CRPPA: variants seen among roughly 807,000 people sequenced by gnomAD.
CRPPA encodes D-ribitol-5-phosphate cytidylyltransferase.
In CRPPA, 43 loss-of-function variants were observed where a neutral mutation model predicts 52.0. The observed-to-expected ratio is 0.83, with a 90% CI of 0.65 to 1.07. The LOEUF (loss-of-function observed/expected upper bound fraction) is 1.07. Ranked by LOEUF, CRPPA falls within the 50% of genes least tolerant of loss-of-function variation. CRPPA has a pLI of 0.00. For missense variants in CRPPA, 629 were observed against 551.7 expected, an observed-to-expected ratio of 1.14 and a Z score of -1.40; for synonymous variants, 250 against 203.5, an observed-to-expected ratio of 1.23 and a Z score of -1.94.
At chr7:16,112,638 C>CA (rs1365494601) in intron 9 of CRPPA, among the ~76,000 whole-genome samples, 1 of 151,746 alleles carries the variant, frequency 6.6e-6, no homozygotes, top group Non-Finnish European at 1.5e-5. Flanking sequence ...GTCAGAGAAA[C>CA]AAAAAAAGAG....
At chr7:16,240,216 CA>C (rs1783067216) in intron 8 of CRPPA, among the ~76,000 whole-genome samples, 1 of 150,106 alleles carries the variant, frequency 6.7e-6, no homozygotes, top group Non-Finnish European at 1.5e-5. Flanking sequence ...TTCATGACTG[CA>C]ACTAGATAAA....
chr7:16,383,278 G>A (rs531423066), intron 2 of CRPPA, among the ~76,000 whole-genome samples: 10 of 152,332 alleles, frequency 6.6e-5, no homozygotes, highest in Non-Finnish European at 1.2e-4. Flanking sequence ...GTTTGCCTGG[G>A]TATCAGCAGC....
intron 8 of CRPPA, among the ~76,000 whole-genome samples, chr7:16,249,915 G>GT (rs2128409282): frequency 6.6e-6 from 1 of 152,204 alleles, no homozygotes; most frequent in East Asian, 1.9e-4. Context: ...TCAGAAGGTG[G>GT]GTCATAACAA....
At chr7:16,298,086 A>G (rs111847683) in intron 5 of CRPPA, among the ~76,000 whole-genome samples, 3 of 152,270 alleles carry the variant, frequency 2.0e-5, no homozygotes, top group African/African-American at 7.2e-5. Flanking sequence ...TCCTATGCCC[A>G]GAGAGGCATT....
intron 9 of CRPPA, among the ~76,000 whole-genome samples, chr7:16,183,649 C>T (rs1022005493): frequency 4.6e-5 from 7 of 152,080 alleles, no homozygotes; most frequent in African/African-American, 7.2e-5. Context: ...AGGCATAGGG[C>T]TCTAAACTTG....
intron 1 of CRPPA, among the ~76,000 whole-genome samples, chr7:16,417,356 T>G (rs1455983217): frequency 6.6e-6 from 1 of 152,210 alleles, no homozygotes; most frequent in East Asian, 1.9e-4. Context: ...TTCATCACAG[T>G]GCTATTCACA....
chr7:16,310,465 T>C (rs952760180), intron 3 of CRPPA, among the ~76,000 whole-genome samples: 17 of 152,246 alleles, frequency 1.1e-4, no homozygotes, highest in African/African-American at 4.1e-4. Flanking sequence ...GATTGTAATG[T>C]GAAAGATCAA....
intron 3 of CRPPA, among the ~76,000 whole-genome samples, chr7:16,347,142 T>C (rs1441938676): frequency 1.3e-5 from 2 of 152,024 alleles, no homozygotes; most frequent in Non-Finnish European, 2.9e-5. Context: ...ATAAGGTAGA[T>C]ATGACTTTCA....
intron 9 of CRPPA, among the ~76,000 whole-genome samples, chr7:16,094,804 G>T (rs908114579): frequency 1.3e-5 from 2 of 152,076 alleles, no homozygotes; most frequent in African/African-American, 4.8e-5. Context: ...AAAAGTTCCT[G>T]TTGGAGGGAC....
intron 2 of CRPPA, among the ~76,000 whole-genome samples, chr7:16,379,006 A>G (rs552257736): frequency 1.3e-5 from 2 of 152,242 alleles, no homozygotes; most frequent in East Asian, 3.9e-4. Flanking sequence ...TCTGGATATT[A>G]GCCCTTTGTC....
intron 9 of CRPPA, among the ~76,000 whole-genome samples, chr7:16,128,947 TCA>T (rs1178850185): frequency 6.6e-6 from 1 of 152,202 alleles, no homozygotes; most frequent in Non-Finnish European, 1.5e-5. Context: ...ATAAATTATT[TCA>T]GTCTTACAGT....
intron 1 of CRPPA, among the ~76,000 whole-genome samples, chr7:16,420,667 T>C (rs1209609192): frequency 2.0e-5 from 3 of 152,156 alleles, no homozygotes; most frequent in East Asian, 1.9e-4. Context: ...GAAACTTCAG[T>C]GTGCACGTAC....
chr7:16,201,116 G>A (rs1781843389), intron 9 of CRPPA, among the ~76,000 whole-genome samples: 1 of 151,860 alleles, frequency 6.6e-6, no homozygotes. Flanking sequence ...AGAGATCAAG[G>A]GTACACACAC....
intron 9 of CRPPA, among the ~76,000 whole-genome samples, chr7:16,125,793 A>C (rs1429967480): frequency 1.3e-5 from 2 of 151,686 alleles, no homozygotes; most frequent in Non-Finnish European, 2.9e-5. Flanking sequence ...AAGCTCGATC[A>C]AGATGGTAAC....
intron 8 of CRPPA, among the ~76,000 whole-genome samples, chr7:16,254,640 C>T (rs986213907): frequency 5.9e-5 from 9 of 151,540 alleles, no homozygotes; most frequent in South Asian, 2.1e-4. Flanking sequence ...CTAATGTAAA[C>T]GACGAGTTAC....
chr7:16,414,118 A>T (rs1788132713), intron 1 of CRPPA, among the ~76,000 whole-genome samples: 1 of 152,154 alleles, frequency 6.6e-6, no homozygotes, highest in African/African-American at 2.4e-5. Flanking sequence ...ATCTAAAGGA[A>T]AGTTATCTTA....
rs188550555 is a variant in CRPPA, at chr7:16,102,628, G to A, written c.1252-10829C>T. 3.1e-3 allele frequency among the ~76,000 whole-genome samples: 465 copies of A among 151,426 alleles called. 3 individuals are homozygous for A. Among genetic ancestry groups the A allele is most frequent in the African/African-American group, 0.011 (440 of 41,170 alleles). On this transcript the variant is annotated intron_variant, in intron 9 of 9. Transcript: ENST00000407010. ...TTTACAAGAAAAAAAACAAACAACTGCATTAAAACGTGGGCAAAGGATATA... is the reference window on the plus strand; with the variant it reads ...TTTACAAGAAAAAAAACAAACAACTACATTAAAACGTGGGCAAAGGATATA...
intron 3 of CRPPA, among the ~76,000 whole-genome samples, chr7:16,375,332 TTTC>T (rs1157957674): frequency 5.3e-5 from 8 of 152,304 alleles, no homozygotes; most frequent in Middle Eastern, 3.4e-3. Context: ...CATTGGGAAG[TTTC>T]TGACAAGCTC....
intron 2 of CRPPA, among the ~76,000 whole-genome samples, chr7:16,403,691 G>C (rs1430321144): frequency 1.3e-5 from 2 of 152,182 alleles, no homozygotes; most frequent in Non-Finnish European, 2.9e-5. Flanking sequence ...TACAGTGAGA[G>C]AACTGGCAGG....
Sources: allele counts gnomAD v4.1 joint callset (sites outside exome capture counted in the v4.1 genomes callset), GRCh38; gene constraint gnomAD v4.1.1; transcripts MANE v1.5; gene names NCBI Gene and HGNC (gene_info 2026-07-23, HGNC 2026-07-21).